PPHLN1: variants seen among roughly 807,000 people sequenced by gnomAD.
PPHLN1 encodes periphilin 1.
Under a neutral mutation model 51.3 loss-of-function variants are expected in PPHLN1, and 29 were observed. That is an observed-to-expected ratio of 0.57 (90% CI 0.42 to 0.77). The LOEUF is 0.77. Ranked by LOEUF, PPHLN1 falls within the 30% of genes least tolerant of loss-of-function variation. The pLI is 0.00. For missense variants in PPHLN1, 436 were observed against 438.4 expected (o/e 0.99, Z 0.05); for synonymous variants, 147 against 147.8 (o/e 0.99, Z 0.04).
chr12:42,440,631 C>T (rs58488818), intron 9 of PPHLN1, among the ~76,000 whole-genome samples: 2,440 of 152,322 alleles, frequency 0.016, 61 homozygotes, highest in African/African-American at 0.051. Context: ...TGCAGGGCTG[C>T]GTTTACTTTG....
chr12:42,417,090 T>G (rs1316017977), intron 9 of PPHLN1, among the ~76,000 whole-genome samples: 6 of 152,176 alleles, frequency 3.9e-5, no homozygotes, highest in Non-Finnish European at 5.9e-5. Context: ...GTTAAATTGG[T>G]AGAGTCTGAA....
At chr12:42,352,487 G>T in intron 3 of PPHLN1, among the ~76,000 whole-genome samples, 1 of 150,422 alleles carries the variant, frequency 6.6e-6, no homozygotes, top group Non-Finnish European at 1.5e-5. Flanking sequence ...TCGGCTCACT[G>T]CAACCTGTGC....
intron 1 of PPHLN1, among the ~76,000 whole-genome samples, chr12:42,333,590 C>G (rs1251831718): frequency 6.6e-6 from 1 of 152,108 alleles, no homozygotes; most frequent in Non-Finnish European, 1.5e-5. Flanking sequence ...TCATGCCATT[C>G]TCCTGCCTCA....
At chr12:42,384,415 A>G (rs1160732276) in intron 5 of PPHLN1, among the ~76,000 whole-genome samples, 1 of 152,188 alleles carries the variant, frequency 6.6e-6, no homozygotes, top group Non-Finnish European at 1.5e-5. Flanking sequence ...GTTTGCAGAC[A>G]AGGAAGCTAA....
chr12:42,395,772 G>A (rs1392534100), intron 8 of PPHLN1, among the ~76,000 whole-genome samples: 2 of 152,068 alleles, frequency 1.3e-5, no homozygotes, highest in African/African-American at 4.8e-5. Context: ...TTAAGTAATG[G>A]TTCATGTACT....
chr12:42,428,750 C>T (rs941368639), intron 9 of PPHLN1, among the ~76,000 whole-genome samples: 2 of 151,882 alleles, frequency 1.3e-5, no homozygotes, highest in African/African-American at 4.8e-5. Context: ...CCAAACATCA[C>T]CTGTTCCCCA....
chr12:42,418,507 T>C (rs962083607), intron 9 of PPHLN1, among the ~76,000 whole-genome samples: 1 of 152,106 alleles, frequency 6.6e-6, no homozygotes, highest in East Asian at 1.9e-4. Context: ...TAACACTGTA[T>C]ACTACCTCAC....
At chr12:42,430,031 A>G (rs11181502) in intron 9 of PPHLN1, among the ~76,000 whole-genome samples, 51,254 of 151,938 alleles carry the variant, frequency 0.34, 9,434 homozygotes, top group South Asian at 0.46. Flanking sequence ...GAATGAGGTA[A>G]CCAATGGCCG....
chr12:42,340,501 A>G (rs1040311630), intron 2 of PPHLN1, among the ~76,000 whole-genome samples: 1 of 152,208 alleles, frequency 6.6e-6, no homozygotes, highest in African/African-American at 2.4e-5. Context: ...ACCAATGAGA[A>G]TCAATGGGCT....
At chr12:42,415,156 T>G (rs2080257141) in intron 9 of PPHLN1, among the ~76,000 whole-genome samples, 1 of 152,080 alleles carries the variant, frequency 6.6e-6, no homozygotes, top group African/African-American at 2.4e-5. Flanking sequence ...AAATCTGTCA[T>G]TTTTATTTTT....
chr12:42,433,358 G>A (rs2082205273), intron 9 of PPHLN1: 1 of 497,972 alleles, frequency 2.0e-6, no homozygotes, highest in Non-Finnish European at 3.8e-6. Context: ...TAAGGGAGTT[G>A]CTTACTTAAG....
chr12:42,371,221 G>A (rs370865866), intron 4 of PPHLN1, among the ~76,000 whole-genome samples: 1 of 144,450 alleles, frequency 6.9e-6, no homozygotes, highest in Non-Finnish European at 1.5e-5. Flanking sequence ...TGGGGCTCAA[G>A]TGATCCTCCC....
intron 9 of PPHLN1, among the ~76,000 whole-genome samples, chr12:42,414,713 C>T (rs541886785): frequency 5.3e-5 from 8 of 152,128 alleles, no homozygotes; most frequent in African/African-American, 1.4e-4. Context: ...ATATAGTCAT[C>T]GTTGACGAAC....
At chr12:42,430,468 A>G (rs1473505648) in intron 9 of PPHLN1, among the ~76,000 whole-genome samples, 5 of 152,168 alleles carry the variant, frequency 3.3e-5, no homozygotes, top group African/African-American at 1.2e-4. Context: ...TATGCTATAC[A>G]TATTACATAT....
chr12:42,422,148 G>A (rs1389703967), intron 9 of PPHLN1, among the ~76,000 whole-genome samples: 2 of 152,130 alleles, frequency 1.3e-5, no homozygotes, highest in Non-Finnish European at 1.5e-5. Flanking sequence ...CAATAATTTA[G>A]CAGTTAATTT....
At chr12:42,412,104 C>T (rs2079912447) in intron 9 of PPHLN1, among the ~76,000 whole-genome samples, 1 of 151,786 alleles carries the variant, frequency 6.6e-6, no homozygotes, top group Admixed American at 6.6e-5. Context: ...ACTCGAGAGG[C>T]TGAGGCAGAA....
intron 9 of PPHLN1, among the ~76,000 whole-genome samples, chr12:42,424,832 A>T (rs532081326): frequency 8.5e-5 from 13 of 152,342 alleles, no homozygotes; most frequent in African/African-American, 2.9e-4. Context: ...ACTATAAAAA[A>T]ATGAAAGTTT....
At chr12:42,445,818 A>T (rs560467303), downstream of PPHLN1, 2 of 843,130 alleles carry the variant, frequency 2.4e-6, no homozygotes, top group East Asian at 5.6e-5. Flanking sequence ...AATTTAGATG[A>T]TAAATTTCAG....
chr12:42,442,471 T>G (rs143675696), downstream of PPHLN1, among the ~76,000 whole-genome samples: 1 of 152,214 alleles, frequency 6.6e-6, no homozygotes, highest in Non-Finnish European at 1.5e-5. Flanking sequence ...ACTCACAAAT[T>G]GTGTTGGCTT....
Sources: gnomAD v4.1 joint callset for allele counts (sites outside exome capture counted in the v4.1 genomes callset) on GRCh38, gnomAD v4.1.1 for gene constraint, MANE v1.5 for transcripts, NCBI Gene and HGNC (gene_info 2026-07-23, HGNC 2026-07-21) for gene names.